PDE10A: variants seen among roughly 807,000 people sequenced by gnomAD.
PDE10A encodes cAMP and cAMP-inhibited cGMP 3',5'-cyclic phosphodiesterase 10A.
In PDE10A, 39 loss-of-function variants were observed where a neutral mutation model predicts 97.7. That is an observed-to-expected ratio of 0.40 (90% confidence interval 0.31 to 0.52). PDE10A has a LOEUF of 0.52. Among genes scored for constraint, PDE10A ranks in the 20% least tolerant of loss-of-function variants. The pLI, the probability that PDE10A is intolerant of heterozygous loss-of-function variation, is 0.56. For synonymous variants in PDE10A, 371 were observed against 376.8 expected, an observed-to-expected ratio of 0.98 and a Z score of 0.18; for missense variants, 731 against 1,047.8, an observed-to-expected ratio of 0.70 and a Z score of 4.17.
At chr6:165,735,698 A>G (rs2128452180) in intron 1 of PDE10A, among the ~76,000 whole-genome samples, 1 of 152,242 alleles carries the variant, frequency 6.6e-6, no homozygotes, top group South Asian at 2.1e-4. Flanking sequence ...TCAGGCCTTC[A>G]TCTGATTGGA....
At chr6:165,507,748 A>G (rs747573223) in intron 2 of PDE10A, among the ~76,000 whole-genome samples, 15 of 152,008 alleles carry the variant, frequency 9.9e-5, no homozygotes, top group Non-Finnish European at 1.5e-4. Context: ...GATGGGCCCT[A>G]TTGTTTTGGG....
chr6:165,970,487 T>C (rs1464041155), intron 1 of PDE10A, among the ~76,000 whole-genome samples: 1 of 151,702 alleles, frequency 6.6e-6, no homozygotes, highest in African/African-American at 2.4e-5. Context: ...TATATAAGTT[T>C]GAGATCATTT....
chr6:165,673,849 T>G (rs369683694), intron 1 of PDE10A, among the ~76,000 whole-genome samples: 9 of 152,358 alleles, frequency 5.9e-5, no homozygotes, highest in African/African-American at 1.9e-4. Context: ...TAATATTCTC[T>G]TTGATCCACG....
At chr6:165,410,939 A>AAT (rs776965452) in intron 13 of PDE10A, among the ~76,000 whole-genome samples, 2 of 38,506 alleles carry the variant, frequency 5.2e-5, no homozygotes, top group Admixed American at 2.5e-4. Flanking sequence ...ATACAAAAAA[A>AAT]TAGCCGGGCG....
chr6:165,651,525 A>G (rs571164641), intron 1 of PDE10A, among the ~76,000 whole-genome samples: 1 of 152,304 alleles, frequency 6.6e-6, no homozygotes, highest in East Asian at 1.9e-4. Context: ...GACATGGAGA[A>G]AGATAGGTGG....
chr6:165,838,406 T>C (rs912480401), intron 1 of PDE10A, among the ~76,000 whole-genome samples: 3 of 152,198 alleles, frequency 2.0e-5, no homozygotes, highest in African/African-American at 4.8e-5. Flanking sequence ...TTTTTAAAAA[T>C]TGAGATATAA....
intron 1 of PDE10A, among the ~76,000 whole-genome samples, chr6:165,953,523 G>C (rs528752133): frequency 6.6e-6 from 1 of 152,018 alleles, no homozygotes; most frequent in Non-Finnish European, 1.5e-5. Flanking sequence ...CCCAGGAAGC[G>C]GAGGTTGCAC....
chr6:165,576,344 A>G, intron 1 of PDE10A: 1 of 776,828 alleles, frequency 1.3e-6, no homozygotes, highest in African/African-American at 1.7e-5. Context: ...ATAGAGTACT[A>G]GTTTGCTTCC....
chr6:165,785,963 T>G lies in PDE10A; in HGVS notation c.-615+201566A>C, dbSNP rs142312589. ...ATTCAAATGTTTATACTTCCGTAAT[T>G]TGTTTTGAAACTGCTTTAGTAACTC... On this transcript the variant is annotated intron_variant, in intron 1 of 19. Coordinates refer to the PDE10A transcript ENST00000366882. 3.0e-3 allele frequency among the ~76,000 whole-genome samples: 457 copies of G among 152,382 alleles called. 4 individuals are homozygous for G. Among genetic ancestry groups the G allele is most frequent in the African/African-American group, 0.01 (428 of 41,590 alleles).
intron 1 of PDE10A, among the ~76,000 whole-genome samples, chr6:165,833,838 C>T (rs769296860): frequency 6.6e-6 from 1 of 152,186 alleles, no homozygotes; most frequent in Non-Finnish European, 1.5e-5. Context: ...TGAAGGTGGT[C>T]CCAAAGCAGG....
At chr6:165,772,774 A>G (rs1778050209) in intron 1 of PDE10A, among the ~76,000 whole-genome samples, 1 of 152,182 alleles carries the variant, frequency 6.6e-6, no homozygotes, top group African/African-American at 2.4e-5. Context: ...CAAGGAAGAG[A>G]CAGAGTGAAA....
At chr6:165,402,320 AT>A (rs1373752051) in intron 13 of PDE10A, among the ~76,000 whole-genome samples, 2 of 152,038 alleles carry the variant, frequency 1.3e-5, no homozygotes, top group Non-Finnish European at 2.9e-5. Flanking sequence ...GTGTAGGTAA[AT>A]AACACTAATT....
At chr6:165,884,273 T>C (rs975369286) in intron 1 of PDE10A, among the ~76,000 whole-genome samples, 1 of 152,208 alleles carries the variant, frequency 6.6e-6, no homozygotes, top group East Asian at 1.9e-4. Flanking sequence ...GAGGCACACA[T>C]TTTAAAAACG....
At chr6:165,947,989 T>C (rs1783828929) in intron 1 of PDE10A, among the ~76,000 whole-genome samples, 1 of 151,726 alleles carries the variant, frequency 6.6e-6, no homozygotes, top group Admixed American at 6.6e-5. Flanking sequence ...TTACAGGGAA[T>C]AGGAGAAAAC....
chr6:165,468,028 G>A (rs757192717), intron 3 of PDE10A, among the ~76,000 whole-genome samples: 36 of 152,138 alleles, frequency 2.4e-4, no homozygotes, highest in Admixed American at 1.0e-3. Flanking sequence ...ACAACTTGCC[G>A]ACAGCTCAGA....
chr6:165,443,504 C>T (rs75480920), intron 5 of PDE10A, among the ~76,000 whole-genome samples: 5,926 of 152,190 alleles, frequency 0.039, 385 homozygotes, highest in African/African-American at 0.13. Flanking sequence ...CTAATCCAGG[C>T]GCATGGTGGA....
chr6:165,973,527 A>G (rs1034583756), intron 1 of PDE10A, among the ~76,000 whole-genome samples: 6 of 152,100 alleles, frequency 3.9e-5, no homozygotes, highest in African/African-American at 1.4e-4. Context: ...GTTGAGATTG[A>G]CTAAGGAATG....
chr6:165,859,408 AC>A (rs1780839210), intron 1 of PDE10A, among the ~76,000 whole-genome samples: 1 of 152,178 alleles, frequency 6.6e-6, no homozygotes, highest in Non-Finnish European at 1.5e-5. Context: ...ATCATCAGAA[AC>A]CCTGCCCCAC....
chr6:165,347,214 G>C (rs941468580), intron 18 of PDE10A, among the ~76,000 whole-genome samples: 11 of 151,800 alleles, frequency 7.2e-5, no homozygotes, highest in African/African-American at 2.4e-4. Context: ...CCTATTTTGA[G>C]TAATTTAGTA....
Sources: gnomAD v4.1 joint callset for allele counts (sites outside exome capture counted in the v4.1 genomes callset) on GRCh38, gnomAD v4.1.1 for gene constraint, MANE v1.5 for transcripts, NCBI Gene and HGNC (gene_info 2026-07-23, HGNC 2026-07-21) for gene names.